Variants in CSMD1 observed in about 807,000 individuals in gnomAD.
CSMD1 encodes CUB and sushi domain-containing protein 1.
A neutral mutation model predicts 417.5 loss-of-function variants in CSMD1; 213 were observed. The ratio of observed to expected loss-of-function variants is 0.51; its 90% CI spans 0.46 to 0.57. The LOEUF is 0.57. CSMD1 is among the 20% of genes least tolerant of loss of function. The pLI, the probability that CSMD1 is intolerant of heterozygous loss-of-function variation, is 0.00. For synonymous variants in CSMD1, 2,862 were observed against 1,736.8 expected, an observed-to-expected ratio of 1.65 and a Z score of -16.11; for missense variants, 6,923 against 4,529.7, an observed-to-expected ratio of 1.53 and a Z score of -15.17.
chr8:3,149,023 G>A (rs1819023684), intron 40 of CSMD1, among the ~76,000 whole-genome samples: 1 of 152,094 alleles, frequency 6.6e-6, no homozygotes, highest in South Asian at 2.1e-4. Context: ...CTCAGGCTAT[G>A]CAATATCCAA....
intron 7 of CSMD1, among the ~76,000 whole-genome samples, chr8:3,685,655 G>A (rs1157812627): frequency 6.6e-6 from 1 of 152,058 alleles, no homozygotes; most frequent in Non-Finnish European, 1.5e-5. Context: ...GAGGCCTGGG[G>A]GTGCTTTTCT....
intron 5 of CSMD1, among the ~76,000 whole-genome samples, chr8:3,917,185 G>T (rs1436446639): frequency 2.0e-5 from 3 of 152,168 alleles, no homozygotes; most frequent in Non-Finnish European, 2.9e-5. Context: ...TATTTATGGA[G>T]CGCTTAATCT....
At chr8:3,720,447 C>A (rs1480406360) in intron 6 of CSMD1, among the ~76,000 whole-genome samples, 1 of 152,196 alleles carries the variant, frequency 6.6e-6, no homozygotes, top group Admixed American at 6.5e-5. Flanking sequence ...AGCACTTCAA[C>A]AGAATACATG....
At chr8:3,634,218 T>C (rs1475611132) in intron 7 of CSMD1, among the ~76,000 whole-genome samples, 1 of 152,162 alleles carries the variant, frequency 6.6e-6, no homozygotes, top group Non-Finnish European at 1.5e-5. Context: ...AGATAGTCTA[T>C]GTGTTCACGT....
intron 25 of CSMD1, among the ~76,000 whole-genome samples, chr8:3,304,510 T>C (rs1804661854): frequency 6.6e-6 from 1 of 152,168 alleles, no homozygotes; most frequent in Non-Finnish European, 1.5e-5. Context: ...ATTTTGGGAT[T>C]AAGTTGATTG....
chr8:4,159,082 A>G (rs564285259), intron 3 of CSMD1, among the ~76,000 whole-genome samples: 1 of 151,988 alleles, frequency 6.6e-6, no homozygotes, highest in East Asian at 1.9e-4. Flanking sequence ...GGCCCAGCTA[A>G]TTTTTGTATT....
intron 5 of CSMD1, among the ~76,000 whole-genome samples, chr8:3,916,334 G>A (rs1808828121): frequency 6.6e-6 from 1 of 152,242 alleles, no homozygotes; most frequent in African/African-American, 2.4e-5. Context: ...TATTTATATA[G>A]CATGAATATT....
At chr8:4,844,015 G>A (rs547022443) in intron 1 of CSMD1, among the ~76,000 whole-genome samples, 2 of 152,276 alleles carry the variant, frequency 1.3e-5, no homozygotes, top group African/African-American at 2.4e-5. Context: ...TGAGAAGGAT[G>A]CTCTCAGCCT....
intron 2 of CSMD1, among the ~76,000 whole-genome samples, chr8:4,596,329 C>A (rs1321013643): frequency 1.3e-5 from 2 of 152,098 alleles, no homozygotes; most frequent in Non-Finnish European, 2.9e-5. Context: ...AGAGAAGGTT[C>A]AAAAACGAAA....
intron 1 of CSMD1, among the ~76,000 whole-genome samples, chr8:4,842,172 G>A (rs555509785): frequency 6.6e-6 from 1 of 152,280 alleles, no homozygotes; most frequent in South Asian, 2.1e-4. Context: ...ACATAAGCCA[G>A]ACACACATGA....
Position 3,866,854 on chromosome 8 carries a change from T to G in CSMD1, c.819-112812A>C, listed in dbSNP as rs549682516. Among the ~76,000 whole-genome samples, 4 of 152,292 alleles carry G rather than the reference T, an allele frequency of 2.6e-5. No homozygotes were observed. The East Asian group carries it at 7.7e-4, about 29-fold the overall frequency. On this transcript the variant is annotated intron_variant, in intron 5 of 69. Coordinates refer to ENST00000635120, the MANE Select transcript of CSMD1 (RefSeq NM_033225.6). ...TATTAATCAACTAAATTTACCATGT[T>G]ACTAGGACTCCAGTTCTGCTGCAAA...
At chr8:4,696,012 T>A (rs1054969217) in intron 1 of CSMD1, among the ~76,000 whole-genome samples, 6 of 152,340 alleles carry the variant, frequency 3.9e-5, no homozygotes, top group African/African-American at 1.4e-4. Flanking sequence ...TTACTGCACA[T>A]TAGTCAGGAG....
chr8:2,952,915 G>A (rs527713980), intron 65 of CSMD1, among the ~76,000 whole-genome samples: 1 of 152,200 alleles, frequency 6.6e-6, no homozygotes, highest in African/African-American at 2.4e-5. Flanking sequence ...ACTTGTTGCT[G>A]GCAGCCCGCA....
chr8:4,040,008 A>G (rs1176456743), intron 3 of CSMD1, among the ~76,000 whole-genome samples: 1 of 152,152 alleles, frequency 6.6e-6, no homozygotes, highest in African/African-American at 2.4e-5. Context: ...TGCCCCATAC[A>G]TGTCAGGACT....
Position 3,867,072 on chromosome 8 carries a change from C to T in CSMD1, c.819-113030G>A, listed in dbSNP as rs180923308. On this transcript the variant is annotated intron_variant, in intron 5 of 69. Transcript: ENST00000635120. ...GCTATTTAGTTTTTACTTTTCCAAC[C>T]AGTTTTTTAAAAATATTGTAACCAT... Among the ~76,000 whole-genome samples, 5 of 152,170 alleles carry T rather than the reference C, an allele frequency of 3.3e-5. No homozygotes were observed. In the East Asian group the frequency reaches 7.7e-4, roughly 23 times the overall value.
chr8:3,887,434 G>C (rs1806641530), intron 5 of CSMD1, among the ~76,000 whole-genome samples: 2 of 152,138 alleles, frequency 1.3e-5, no homozygotes, highest in South Asian at 4.1e-4. Context: ...ACAAATTATA[G>C]ACCCTATCCA....
chr8:3,278,611 T>C (rs1802487857), intron 26 of CSMD1: 1 of 152,098 alleles, frequency 6.6e-6, no homozygotes, highest in African/African-American at 2.4e-5. Context: ...ATTAGCATGG[T>C]TTATGAATCA....
chr8:4,663,885 T>C (rs1249537680), intron 1 of CSMD1, among the ~76,000 whole-genome samples: 1 of 152,192 alleles, frequency 6.6e-6, no homozygotes, highest in African/African-American at 2.4e-5. Flanking sequence ...AGGAAAAGCA[T>C]CCTGGGGTTC....
chr8:3,766,341 A>C (rs1445453581), intron 5 of CSMD1, among the ~76,000 whole-genome samples: 2 of 152,174 alleles, frequency 1.3e-5, no homozygotes, highest in African/African-American at 4.8e-5. Flanking sequence ...TGGTTGCAAC[A>C]AGCTAATCTG....
Sources: gnomAD v4.1 joint callset for allele counts (sites outside exome capture counted in the v4.1 genomes callset) on GRCh38, gnomAD v4.1.1 for gene constraint, MANE v1.5 for transcripts, NCBI Gene and HGNC (gene_info 2026-07-23, HGNC 2026-07-21) for gene names.